Variants in EYS observed in about 807,000 individuals in gnomAD.
EYS encodes the protein EGF-like photoreceptor maintenance factor, also known as protein eyes shut homolog.
A neutral mutation model predicts 282.1 loss-of-function variants in EYS; 250 were observed. That is an observed-to-expected ratio of 0.89 (90% CI 0.80 to 0.98). EYS has a LOEUF of 0.98. Ranked by LOEUF, EYS falls within the 50% of genes least tolerant of loss-of-function variation. The pLI, the probability that EYS is intolerant of heterozygous loss-of-function variation, is 0.00. For missense variants in EYS, 4,016 were observed against 3,709.0 expected (o/e 1.08, Z -2.15); for synonymous variants, 1,355 against 1,282.9 (o/e 1.06, Z -1.20).
chr6:63,903,281 G>T (rs910192394), intron 35 of EYS, among the ~76,000 whole-genome samples: 3 of 152,096 alleles, frequency 2.0e-5, no homozygotes, highest in African/African-American at 7.2e-5. Context: ...ACATGTGAGG[G>T]GTAGGAAGGT....
chr6:64,867,564 T>G (rs764985785), intron 19 of EYS, among the ~76,000 whole-genome samples: 2 of 151,762 alleles, frequency 1.3e-5, no homozygotes, highest in Non-Finnish European at 3.0e-5. Flanking sequence ...CCATTGTCAA[T>G]GAAATCTGAG....
chr6:65,136,857 T>C (rs1776035722), intron 12 of EYS, among the ~76,000 whole-genome samples: 1 of 151,996 alleles, frequency 6.6e-6, no homozygotes, highest in Non-Finnish European at 1.5e-5. Flanking sequence ...AATTTTTGTA[T>C]TTTTTGTAGA....
At chr6:63,997,336 A>G (rs1767879816) in intron 34 of EYS, among the ~76,000 whole-genome samples, 1 of 152,162 alleles carries the variant, frequency 6.6e-6, no homozygotes, top group Non-Finnish European at 1.5e-5. Context: ...ATATACCGTA[A>G]CTCTGGGACT....
intron 22 of EYS, among the ~76,000 whole-genome samples, chr6:64,700,750 C>T (rs1033421819): frequency 1.3e-5 from 2 of 151,726 alleles, no homozygotes; most frequent in African/African-American, 4.8e-5. Context: ...AAAAAACATC[C>T]CATGATCATG....
At chr6:64,303,758 G>A (rs542961239) in intron 30 of EYS, among the ~76,000 whole-genome samples, 14 of 149,824 alleles carry the variant, frequency 9.3e-5, no homozygotes, top group Admixed American at 5.3e-4. Context: ...GGAGAATGGC[G>A]TGAACCCGGG....
chr6:64,840,392 T>A (rs1305866780), intron 19 of EYS, among the ~76,000 whole-genome samples: 1 of 152,126 alleles, frequency 6.6e-6, no homozygotes, highest in Non-Finnish European at 1.5e-5. Flanking sequence ...TAATAGAGGA[T>A]GTTATGAAAA....
At chr6:64,296,799 G>C (rs1282971646) in intron 30 of EYS, among the ~76,000 whole-genome samples, 1 of 151,746 alleles carries the variant, frequency 6.6e-6, no homozygotes, top group African/African-American at 2.4e-5. Flanking sequence ...TAGAGACGGG[G>C]TTTCACCACA....
chr6:64,582,921 C>T (rs1766120210), intron 26 of EYS, among the ~76,000 whole-genome samples: 1 of 152,086 alleles, frequency 6.6e-6, no homozygotes, highest in Non-Finnish European at 1.5e-5. Flanking sequence ...CTTATTGCTC[C>T]TGTGTGTTGG....
At position 64,842,255 on chromosome 6, in the gene EYS, A is replaced by G. The variant is rs75749179; in HGVS notation, c.2993-19433T>C. On this transcript the variant is annotated intron_variant, in intron 19 of 42. Transcript: ENST00000503581. ...GGGCCAGCAAAGTGACAGAAAAACA[A>G]AAGAGATTGATCTGGTATGCCATTA... Among the ~76,000 whole-genome samples, 998 of 151,668 alleles carry G rather than the reference A, an allele frequency of 6.6e-3. 7 individuals carry two copies. The highest frequency in any genetic ancestry group is 9.3e-3 in the Non-Finnish European group (635 of 67,940).
chr6:63,945,905 T>C (rs531596731), intron 35 of EYS, among the ~76,000 whole-genome samples: 3 of 152,328 alleles, frequency 2.0e-5, no homozygotes, highest in African/African-American at 7.2e-5. Flanking sequence ...GCTTCACAAG[T>C]ATTTGTCCCA....
At chr6:64,425,820 T>C (rs956045315) in intron 28 of EYS, among the ~76,000 whole-genome samples, 2 of 151,868 alleles carry the variant, frequency 1.3e-5, no homozygotes, top group African/African-American at 4.8e-5. Context: ...ATTATATAGG[T>C]AGACAATAGT....
chr6:64,338,279 A>T (rs1370602897), intron 29 of EYS, among the ~76,000 whole-genome samples: 9 of 152,038 alleles, frequency 5.9e-5, no homozygotes, highest in Non-Finnish European at 1.5e-5. Flanking sequence ...AATTCAGCAA[A>T]GTTTCTGGAT....
At chr6:64,178,772 A>T (rs1764705180) in intron 31 of EYS, among the ~76,000 whole-genome samples, 1 of 152,044 alleles carries the variant, frequency 6.6e-6, no homozygotes, top group Admixed American at 6.6e-5. Context: ...CATATAAATA[A>T]TATATAATCC....
chr6:65,409,500 CTT>C (rs1395739987), intron 5 of EYS, among the ~76,000 whole-genome samples: 1 of 152,160 alleles, frequency 6.6e-6, no homozygotes, highest in Non-Finnish European at 1.5e-5. Flanking sequence ...AAATTTTACT[CTT>C]TTACTCCTCT....
intron 2 of EYS, among the ~76,000 whole-genome samples, chr6:65,599,324 G>A (rs1386623797): frequency 6.6e-6 from 1 of 152,034 alleles, no homozygotes; most frequent in Non-Finnish European, 1.5e-5. Flanking sequence ...GGAAACACAT[G>A]GACCCAGAGG....
chr6:63,874,942 T>C (rs1397913699), intron 35 of EYS, among the ~76,000 whole-genome samples: 1 of 152,168 alleles, frequency 6.6e-6, no homozygotes, highest in Non-Finnish European at 1.5e-5. Context: ...CTTCCTCTTT[T>C]CCTAATTGAA....
chr6:63,864,073 G>A, intron 36 of EYS, 113 bp downstream of exon 36: 1 of 1,019,022 alleles, frequency 9.8e-7, no homozygotes, highest in Non-Finnish European at 1.3e-6. Context: ...GAACCCAGAA[G>A]AAGATTTGAT....
chr6:64,599,135 T>C (rs1345644421), intron 24 of EYS, among the ~76,000 whole-genome samples: 2 of 152,156 alleles, frequency 1.3e-5, no homozygotes, highest in East Asian at 3.8e-4. Context: ...TTGGAATTGA[T>C]TCTGAGAATT....
intron 26 of EYS, among the ~76,000 whole-genome samples, chr6:64,562,954 TAAA>T (rs1765446473): frequency 6.6e-6 from 1 of 152,026 alleles, no homozygotes; most frequent in African/African-American, 2.4e-5. Context: ...CTGTCAATGG[TAAA>T]ACTCAGTATT....
Sources: allele counts gnomAD v4.1 joint callset (sites outside exome capture counted in the v4.1 genomes callset), GRCh38; gene constraint gnomAD v4.1.1; transcripts MANE v1.5; gene names NCBI Gene and HGNC (gene_info 2026-07-23, HGNC 2026-07-21).